The following ICAM2 variants were observed in gnomAD, a reference collection of about 807,000 sequenced individuals.
ICAM2 encodes the protein ICAM-2.
ICAM2 carries 14 observed loss-of-function variants against 19.1 expected under a neutral mutation model. The observed-to-expected ratio is 0.73, with a 90% CI of 0.48 to 1.15. The LOEUF (loss-of-function observed/expected upper bound fraction) is 1.15. Ranked by LOEUF, ICAM2 falls within the 50% of genes most tolerant of loss-of-function variation. The probability of loss-of-function intolerance (pLI) is 0.00; values close to 1 mark genes in which losing one functional copy is unlikely to be tolerated. For synonymous variants in ICAM2, 153 were observed against 152.7 expected, an observed-to-expected ratio of 1.00 and a Z score of -0.01; for missense variants, 311 against 355.4, an observed-to-expected ratio of 0.88 and a Z score of 1.00.
At chr17:64,003,385 G>A (rs1295345679) in intron 4 of ICAM2, 2 of 527,112 alleles carry the variant, frequency 3.8e-6, no homozygotes, top group Non-Finnish European at 6.8e-6. Context: ...GGGGAGCCAA[G>A]GCCAGGGAGA....
rs999350065 is a variant in ICAM2, at chr17:64,006,736, C to A, written c.-44-1G>T. On this transcript the variant is annotated splice_acceptor_variant, in intron 1 of 4. Transcript: ENST00000579788. LOFTEE classifies it low-confidence loss of function (5UTR_SPLICE). ...CTCGCAGGGACCAGCCAAGGGCTGCCTGGAGGGAGATGGTGGGCGCAGGTC... is the reference window on the plus strand; with the variant it reads ...CTCGCAGGGACCAGCCAAGGGCTGCATGGAGGGAGATGGTGGGCGCAGGTC... 1 of 1,587,562 alleles carries A rather than the reference C, an allele frequency of 6.3e-7. No homozygotes were observed. Among genetic ancestry groups the A allele is most frequent in the East Asian group, 2.2e-5 (1 of 44,692 alleles).
chr17:64,006,628 T>C lies in ICAM2; in HGVS notation c.61+3A>G. ...AATCAGGAACCCCAGGAAACTGGCT[T>C]ACCTGGACAGCAGATCAGGGTGAAG... On this transcript the variant is annotated splice_donor_region_variant and intron_variant, in intron 2 of 4. Transcript: ENST00000579788. The C allele has an allele frequency of 6.2e-7, 1 of 1,614,010 alleles. No homozygotes were observed. Among genetic ancestry groups the C allele is most frequent in the South Asian group, 1.1e-5 (1 of 91,068 alleles).
intron 2 of ICAM2, 106 bp downstream of exon 2, chr17:64,006,525 C>T (rs749884385): frequency 3.0e-5 from 28 of 929,222 alleles, no homozygotes; most frequent in Non-Finnish European, 4.5e-5. Flanking sequence ...CTAAGAACCT[C>T]AGCAACTTTT....
chr17:64,014,368 AAAGAAAGAAAGG>A (rs1391997613), intron 1 of ICAM2, among the ~76,000 whole-genome samples: 113 of 59,776 alleles, frequency 1.9e-3, no homozygotes, highest in African/African-American at 6.1e-3. Flanking sequence ...AGAAAGAAAG[AAAGAAAGAAAGG>A]AAGGAAGGAA....
intron 1 of ICAM2, among the ~76,000 whole-genome samples, chr17:64,008,503 A>G (rs1414534851): frequency 6.6e-6 from 1 of 152,158 alleles, no homozygotes; most frequent in Non-Finnish European, 1.5e-5. Context: ...ATATTAACCA[A>G]TTAATCCCCT....
chr17:64,011,417 G>A (rs554901224), intron 1 of ICAM2, among the ~76,000 whole-genome samples: 49 of 152,240 alleles, frequency 3.2e-4, no homozygotes, highest in African/African-American at 1.2e-3. Context: ...AGCCGAGATC[G>A]CGCCACTGCA....
intron 4 of ICAM2, 99 bp downstream of exon 4, chr17:64,003,545 C>G (rs1170341744): frequency 9.1e-7 from 1 of 1,093,264 alleles, no homozygotes; most frequent in Non-Finnish European, 1.4e-6. Context: ...GGGTGGGCTC[C>G]TGGGTGTTTG....
chr17:64,014,352 A>G (rs968777950), intron 1 of ICAM2, among the ~76,000 whole-genome samples: 6 of 54,148 alleles, frequency 1.1e-4, no homozygotes, highest in Non-Finnish European at 2.1e-4. Context: ...AGAAAGAAAG[A>G]AAGAAAGAAA....
In ICAM2 at chr17:64,005,094, C is replaced by T; in HGVS notation, c.328+13G>A. ...CCCAGGGGAGAGGAGGGCCCCGCAG[C>T]ACAGCCACTCACGGTACACGCTGAC... On this transcript the variant is annotated intron_variant, in intron 3 of 4. Transcript: ENST00000579788. The T allele has an allele frequency of 2.5e-6, 4 of 1,614,044 alleles. No individual in the cohort carries two copies. Among genetic ancestry groups the T allele is most frequent in the African/African-American group, 1.3e-5 (1 of 75,022 alleles).
At chr17:64,012,837 G>T (rs1041476655) in intron 1 of ICAM2, among the ~76,000 whole-genome samples, 1 of 152,070 alleles carries the variant, frequency 6.6e-6, no homozygotes, top group Non-Finnish European at 1.5e-5. Context: ...GGTATCTGTT[G>T]GGAGGGTTCT....
At chr17:64,007,464 G>A (rs533286726) in intron 1 of ICAM2, among the ~76,000 whole-genome samples, 5 of 152,080 alleles carry the variant, frequency 3.3e-5, no homozygotes, top group Non-Finnish European at 7.4e-5. Flanking sequence ...GTTTCACCAT[G>A]TTGTCTAGGC....
At chr17:64,004,703 T>C in intron 3 of ICAM2, 1 of 309,804 alleles carries the variant, frequency 3.2e-6, no homozygotes, top group Non-Finnish European at 6.3e-6. Context: ...CTGTGGGCCC[T>C]GAGGGGAAGA....
rs528522589 is a variant in ICAM2, at chr17:64,011,866, C to T, written c.-44-5131G>A. ...TATGGAAAATAGAATGGAGGCTCCT[C>T]AAAAAATTAAAAGTAGAACTACAGA... On this transcript the variant is annotated intron_variant, in intron 1 of 4. Coordinates refer to ENST00000579788, the MANE Select transcript of ICAM2 (RefSeq NM_001099789.2). Among the ~76,000 whole-genome samples the T allele has an allele frequency of 2.6e-5, 4 of 152,246 alleles. No homozygotes were observed. The South Asian group carries it at 8.3e-4, about 32-fold the overall frequency.
At chr17:64,016,584 T>C (rs918146508) in intron 1 of ICAM2, among the ~76,000 whole-genome samples, 1 of 152,252 alleles carries the variant, frequency 6.6e-6, no homozygotes, top group African/African-American at 2.4e-5. Flanking sequence ...CCAGTGGATA[T>C]ACTTTCCAGC....
intron 3 of ICAM2, 38 bp from the exon 4 acceptor site, chr17:64,004,002 G>A (rs750414734): frequency 3.3e-5 from 50 of 1,492,628 alleles, no homozygotes; most frequent in Non-Finnish European, 2.2e-5. Context: ...GTCAGGATGG[G>A]GGTGCAGTCC....
chr17:64,012,213 A>G (rs989085254), intron 1 of ICAM2, among the ~76,000 whole-genome samples: 5 of 152,186 alleles, frequency 3.3e-5, no homozygotes, highest in African/African-American at 1.2e-4. Flanking sequence ...TTGTAATCCC[A>G]GCACTTTGGG....
At position 64,005,243 on chromosome 17, in the gene ICAM2, T is replaced by C; in HGVS notation, c.192A>G (p.Leu64=). The C allele has an allele frequency of 6.2e-7, 1 of 1,614,128 alleles. No homozygotes were observed. Among genetic ancestry groups the C allele is most frequent in the Non-Finnish European group, 8.5e-7 (1 of 1,180,006 alleles). Residue 64 remains leucine, a synonymous_variant, in exon 3 of 5, where the codon CTA becomes CTG. Coordinates refer to ENST00000579788, the MANE Select transcript of ICAM2 (RefSeq NM_001099789.2). The part of the protein sequence containing the change: ...QPEVGGLETS[L]DKILLDEQAQ... ...CCTGTTCGTCCAGCAGAATCTTATC[T>C]AGAGAGGTCTCCAGACCACCCACTT...
chr17:64,010,928 T>C (rs1911424944), intron 1 of ICAM2, among the ~76,000 whole-genome samples: 1 of 151,952 alleles, frequency 6.6e-6, no homozygotes, highest in Non-Finnish European at 1.5e-5. Flanking sequence ...TTAAGTTATA[T>C]AAGGAATGGG....
At chr17:64,004,807 G>A in intron 3 of ICAM2, 1 of 490,088 alleles carries the variant, frequency 2.0e-6, no homozygotes, top group Non-Finnish European at 3.8e-6. Flanking sequence ...TGGGACATGG[G>A]GTGCTCTGGT....
Sources: allele counts gnomAD v4.1 joint callset (sites outside exome capture counted in the v4.1 genomes callset), GRCh38; gene constraint gnomAD v4.1.1; transcripts MANE v1.5; gene names NCBI Gene and HGNC (gene_info 2026-07-23, HGNC 2026-07-21).